Variants in ATXN8OS observed in about 807,000 individuals in gnomAD.
ATXN8OS encodes ATXN8 opposite strand (non-protein coding).
At chr13:70,159,145 AATTT>A (rs1017011961) in intron 4 of ATXN8OS, among the ~76,000 whole-genome samples, 42 of 150,944 alleles carry the variant, frequency 2.8e-4, no homozygotes, top group African/African-American at 9.7e-4. Context: ...ATTACTAATT[AATTT>A]ATTTTCTCTC....
intron 3 of ATXN8OS, among the ~76,000 whole-genome samples, chr13:70,134,405 C>A (rs1292193900): frequency 2.0e-5 from 3 of 152,098 alleles, no homozygotes; most frequent in Non-Finnish European, 4.4e-5. Context: ...TCTTCATAGC[C>A]CTAAATGCTG....
At chr13:70,166,091 GC>G (rs1889072615) in intron 4 of ATXN8OS, among the ~76,000 whole-genome samples, 1 of 152,002 alleles carries the variant, frequency 6.6e-6, no homozygotes. Flanking sequence ...TAATGATGAA[GC>G]ACATGAATAT....
intron 2 of ATXN8OS, among the ~76,000 whole-genome samples, chr13:70,121,789 T>C (rs1320955020): frequency 6.6e-6 from 1 of 151,846 alleles, no homozygotes; most frequent in African/African-American, 2.4e-5. Context: ...TCTTTAGAAG[T>C]GAGAGTAAAG....
At chr13:70,114,862 A>G (rs751476211) in intron 1 of ATXN8OS, among the ~76,000 whole-genome samples, 20 of 152,178 alleles carry the variant, frequency 1.3e-4, no homozygotes, top group Non-Finnish European at 2.9e-4. Flanking sequence ...ATACTCCTCC[A>G]TAAGCCGTAC....
At chr13:70,170,659 A>G (rs1194046874) in exon 5 of ATXN8OS, among the ~76,000 whole-genome samples, 1 of 152,204 alleles carries the variant, frequency 6.6e-6, no homozygotes, top group African/African-American at 2.4e-5. Flanking sequence ...CGAATAAATA[A>G]TAAGTGTGAA....
chr13:70,145,132 A>T (rs1888764909), intron 3 of ATXN8OS, among the ~76,000 whole-genome samples: 1 of 151,756 alleles, frequency 6.6e-6, no homozygotes, highest in Non-Finnish European at 1.5e-5. Context: ...TCTTGTTTTT[A>T]TCAGGTTTGT....
At chr13:70,145,345 G>A (rs1445585616) in intron 3 of ATXN8OS, among the ~76,000 whole-genome samples, 1 of 151,644 alleles carries the variant, frequency 6.6e-6, no homozygotes, top group Non-Finnish European at 1.5e-5. Context: ...CTCTTTTTTG[G>A]TTCCATATGA....
chr13:70,119,549 T>A (rs1481857334), intron 2 of ATXN8OS, among the ~76,000 whole-genome samples: 1 of 152,094 alleles, frequency 6.6e-6, no homozygotes, highest in South Asian at 2.1e-4. Context: ...TGTGTATACA[T>A]GCACATGGAG....
chr13:70,142,979 A>G (rs1012825791), intron 3 of ATXN8OS, among the ~76,000 whole-genome samples: 1 of 152,054 alleles, frequency 6.6e-6, no homozygotes, highest in Non-Finnish European at 1.5e-5. Context: ...AGGCTGAGGC[A>G]GGAGAATCCC....
At chr13:70,117,533 A>G (rs1188513376) in intron 2 of ATXN8OS, among the ~76,000 whole-genome samples, 1 of 152,146 alleles carries the variant, frequency 6.6e-6, no homozygotes, top group African/African-American at 2.4e-5. Flanking sequence ...CATTTAAATT[A>G]TAACATTTGA....
At chr13:70,121,502 A>C (rs912170651) in intron 2 of ATXN8OS, among the ~76,000 whole-genome samples, 1 of 152,322 alleles carries the variant, frequency 6.6e-6, no homozygotes, top group South Asian at 2.1e-4. Flanking sequence ...GTCAAAAGAA[A>C]GAAATGAATC....
chr13:70,141,619 C>T (rs1302429625), intron 3 of ATXN8OS, among the ~76,000 whole-genome samples: 1 of 151,674 alleles, frequency 6.6e-6, no homozygotes, highest in Non-Finnish European at 1.5e-5. Flanking sequence ...TGTGTGTGTA[C>T]GTATATATAT....
intron 4 of ATXN8OS, among the ~76,000 whole-genome samples, chr13:70,152,448 T>A (rs765821516): frequency 6.6e-6 from 1 of 151,896 alleles, no homozygotes; most frequent in Non-Finnish European, 1.5e-5. Context: ...TGTGTATGTA[T>A]GTGTATATGT....
intron 4 of ATXN8OS, among the ~76,000 whole-genome samples, chr13:70,162,737 A>C (rs1347672110): frequency 6.6e-6 from 1 of 152,120 alleles, no homozygotes; most frequent in Non-Finnish European, 1.5e-5. Flanking sequence ...CTCTATAATT[A>C]GATTTTAAAA....
chr13:70,149,387 T>C (rs191716157), intron 4 of ATXN8OS, among the ~76,000 whole-genome samples: 1 of 152,246 alleles, frequency 6.6e-6, no homozygotes, highest in East Asian at 1.9e-4. Context: ...TATGTATATA[T>C]TTTTACTCTT....
At chr13:70,137,064 G>A (rs1209335652) in intron 3 of ATXN8OS, among the ~76,000 whole-genome samples, 1 of 152,152 alleles carries the variant, frequency 6.6e-6, no homozygotes, top group Non-Finnish European at 1.5e-5. Context: ...GTTCCTTGAA[G>A]ATCAACAATT....
intron 2 of ATXN8OS, among the ~76,000 whole-genome samples, chr13:70,115,702 A>G (rs1888269375): frequency 6.6e-6 from 1 of 152,148 alleles, no homozygotes; most frequent in Non-Finnish European, 1.5e-5. Flanking sequence ...TGAGTTTATC[A>G]TAATGAGAAA....
At chr13:70,137,717 C>T (rs1888637193) in intron 3 of ATXN8OS, among the ~76,000 whole-genome samples, 1 of 152,154 alleles carries the variant, frequency 6.6e-6, no homozygotes, top group Non-Finnish European at 1.5e-5. Flanking sequence ...AGAATTATCT[C>T]AACTGTGATA....
chr13:70,139,449 T>C (rs1888675090), intron 3 of ATXN8OS: 2 of 707,954 alleles, frequency 2.8e-6, no homozygotes, highest in Non-Finnish European at 2.4e-6. Context: ...AAATATATTA[T>C]CTTATTTTAC....
Sources: gnomAD v4.1 joint callset for allele counts (sites outside exome capture counted in the v4.1 genomes callset) on GRCh38, gnomAD v4.1.1 for gene constraint, MANE v1.5 for transcripts, NCBI Gene and HGNC (gene_info 2026-07-23, HGNC 2026-07-21) for gene names.